The following CSMD3 variants were observed in gnomAD, a reference collection of about 807,000 sequenced individuals.
CSMD3 encodes CUB and sushi domain-containing protein 3.
In CSMD3, 177 loss-of-function variants were observed where a neutral mutation model predicts 435.2. That is an observed-to-expected ratio of 0.41 (90% CI 0.36 to 0.46). CSMD3 has a LOEUF of 0.46. CSMD3 is among the 20% of genes least tolerant of loss of function. CSMD3 has a pLI of 0.34. For missense variants in CSMD3, 4,265 were observed against 4,504.6 expected, an observed-to-expected ratio of 0.95 and a Z score of 1.52; for synonymous variants, 1,656 against 1,520.5, an observed-to-expected ratio of 1.09 and a Z score of -2.07.
At chr8:113,144,150 TGTTAAA>T (rs1310419014) in intron 4 of CSMD3, among the ~76,000 whole-genome samples, 4 of 150,956 alleles carry the variant, frequency 2.6e-5, no homozygotes, top group African/African-American at 2.4e-5. Context: ...CAATATTAGA[TGTTAAA>T]GTTAAAGCAA....
rs1191864357 is a variant in CSMD3, at chr8:113,159,399, T to G, written c.709+14323A>C. 3.9e-5 allele frequency among the ~76,000 whole-genome samples: 6 copies of G among 152,072 alleles called. No individual in the cohort carries two copies. In the East Asian group the frequency reaches 1.2e-3, roughly 29 times the overall value. ...AAATTCTTAAAAAGTAGTGCCTGAT[T>G]GCCATTTGTATTTTGTTTTCTTTTT... On this transcript the variant is annotated intron_variant, in intron 4 of 70. Coordinates refer to ENST00000297405, the MANE Select transcript of CSMD3 (RefSeq NM_198123.2).
At chr8:113,386,659 C>A in intron 1 of CSMD3, among the ~76,000 whole-genome samples, 2 of 151,782 alleles carry the variant, frequency 1.3e-5, no homozygotes, top group South Asian at 4.1e-4. Flanking sequence ...CAAATGGGGA[C>A]TCAATGGCAA....
At chr8:112,266,420 A>G (rs1816953259) in intron 59 of CSMD3, among the ~76,000 whole-genome samples, 1 of 152,202 alleles carries the variant, frequency 6.6e-6, no homozygotes, top group African/African-American at 2.4e-5. Context: ...CACAAGAAAG[A>G]AGGCAACAAG....
At chr8:112,788,919 C>T (rs1347973485) in intron 13 of CSMD3, among the ~76,000 whole-genome samples, 1 of 152,064 alleles carries the variant, frequency 6.6e-6, no homozygotes, top group African/African-American at 2.4e-5. Flanking sequence ...ATCAACCTTA[C>T]TCAAATATAA....
intron 4 of CSMD3, among the ~76,000 whole-genome samples, chr8:113,112,686 A>C (rs2090699010): frequency 6.6e-6 from 1 of 151,916 alleles, no homozygotes; most frequent in Admixed American, 6.6e-5. Context: ...TCATGTCCAA[A>C]TGTCAGAACC....
intron 3 of CSMD3, among the ~76,000 whole-genome samples, chr8:113,233,417 T>C (rs1396821834): frequency 2.0e-5 from 3 of 150,964 alleles, no homozygotes; most frequent in Non-Finnish European, 4.4e-5. Context: ...AAAACATGAT[T>C]GTTCAGATTA....
chr8:112,449,531 G>A (rs1426528938), intron 32 of CSMD3, among the ~76,000 whole-genome samples: 1 of 152,142 alleles, frequency 6.6e-6, no homozygotes, highest in Non-Finnish European at 1.5e-5. Flanking sequence ...GGTTTTATCT[G>A]TGGATACAGA....
intron 11 of CSMD3, among the ~76,000 whole-genome samples, chr8:112,830,786 ATTTTTT>A (rs548208858): frequency 1.4e-5 from 2 of 138,352 alleles, no homozygotes; most frequent in African/African-American, 5.4e-5. Context: ...TATAATAACA[ATTTTTT>A]TTTTTTTTTT....
intron 13 of CSMD3, among the ~76,000 whole-genome samples, chr8:112,748,479 G>A (rs1026841007): frequency 8.6e-5 from 13 of 151,782 alleles, no homozygotes; most frequent in Admixed American, 5.2e-4. Context: ...TCTTTTCTGC[G>A]CCTCTCCCTC....
At chr8:113,012,618 C>T (rs188440314) in intron 6 of CSMD3, among the ~76,000 whole-genome samples, 21 of 152,114 alleles carry the variant, frequency 1.4e-4, no homozygotes, top group Admixed American at 1.3e-3. Context: ...CTCTTTCATG[C>T]CTGCCACCAT....
intron 59 of CSMD3, among the ~76,000 whole-genome samples, chr8:112,277,151 G>A (rs1203136977): frequency 6.6e-6 from 1 of 152,044 alleles, no homozygotes; most frequent in Non-Finnish European, 1.5e-5. Context: ...CTTTACTATT[G>A]CATTGCCAGG....
At position 112,380,351 on chromosome 8, in the gene CSMD3, C is replaced by G. The variant is rs2131234004; in HGVS notation, c.6136+1G>C. On this transcript the variant is annotated splice_donor_variant, in intron 38 of 70. Transcript: ENST00000297405. LOFTEE classifies it high-confidence loss of function. ...TGAATGGCACATGATATTATTTTTA[C>G]CTGTGTATTCAAGATGAAATCCTGC... The G allele has an allele frequency of 6.8e-7, 1 of 1,479,184 alleles. No homozygotes were observed. Among genetic ancestry groups the G allele is most frequent in the Non-Finnish European group, 9.5e-7 (1 of 1,057,802 alleles). 91.6% of individuals were successfully genotyped at this position (1,479,184 alleles called of 1,614,324 possible).
intron 24 of CSMD3, among the ~76,000 whole-genome samples, chr8:112,564,641 G>A (rs187653929): frequency 6.6e-6 from 1 of 152,130 alleles, no homozygotes; most frequent in East Asian, 1.9e-4. Context: ...TGTAGCTGCT[G>A]GTGGAAAATA....
chr8:113,201,905 T>C (rs2092719745), intron 3 of CSMD3, among the ~76,000 whole-genome samples: 1 of 152,098 alleles, frequency 6.6e-6, no homozygotes, highest in South Asian at 2.1e-4. Context: ...GCTTTTATTT[T>C]ATAAAAGAAA....
chr8:112,433,620 G>T (rs1813965333), intron 32 of CSMD3, among the ~76,000 whole-genome samples: 1 of 124,188 alleles, frequency 8.1e-6, no homozygotes, highest in Non-Finnish European at 1.6e-5. Context: ...TCATGCCATT[G>T]CACTTCAGCC....
intron 13 of CSMD3, among the ~76,000 whole-genome samples, chr8:112,766,713 G>A (rs2077988341): frequency 6.6e-6 from 1 of 151,766 alleles, no homozygotes; most frequent in Admixed American, 6.6e-5. Context: ...TCCTTTGATA[G>A]TTGGCCACTT....
At chr8:112,318,771 A>G (rs1215009172) in intron 47 of CSMD3, 66 bp downstream of exon 47, 2 of 1,011,970 alleles carry the variant, frequency 2.0e-6, no homozygotes, top group South Asian at 1.3e-5. Context: ...TCTCAATCAT[A>G]CCTATATTAA....
chr8:112,351,147 GTAAA>G (rs756640527), intron 40 of CSMD3, 24 bp downstream of exon 40: 1 of 1,331,374 alleles, frequency 7.5e-7, no homozygotes, highest in Non-Finnish European at 1.1e-6. Context: ...AAGTTCTAGG[GTAAA>G]TACTTTATAG....
intron 42 of CSMD3, among the ~76,000 whole-genome samples, chr8:112,338,774 T>C (rs1824812203): frequency 6.6e-6 from 1 of 152,096 alleles, no homozygotes. Context: ...ACAAAAAATA[T>C]TCTACACAAA....
Sources: gnomAD v4.1 joint callset for allele counts (sites outside exome capture counted in the v4.1 genomes callset) on GRCh38, gnomAD v4.1.1 for gene constraint, MANE v1.5 for transcripts, NCBI Gene and HGNC (gene_info 2026-07-23, HGNC 2026-07-21) for gene names.